The following PRKCE variants were observed in gnomAD, a reference collection of about 807,000 sequenced individuals.
PRKCE encodes the protein protein kinase C epsilon type.
Under a neutral mutation model 85.4 loss-of-function variants are expected in PRKCE, and 16 were observed. That is an observed-to-expected ratio of 0.19 (90% CI 0.13 to 0.28). The LOEUF is 0.28. Ranked by LOEUF, PRKCE falls within the 10% of genes least tolerant of loss-of-function variation. PRKCE has a pLI of 1.00. For synonymous variants in PRKCE, 388 were observed against 371.5 expected, an observed-to-expected ratio of 1.04 and a Z score of -0.51; for missense variants, 573 against 975.2, an observed-to-expected ratio of 0.59 and a Z score of 5.49.
At chr2:46,108,927 G>A (rs1464886955) in intron 11 of PRKCE, among the ~76,000 whole-genome samples, 3 of 151,074 alleles carry the variant, frequency 2.0e-5, no homozygotes, top group Non-Finnish European at 1.5e-5. Flanking sequence ...TTGATGTCCA[G>A]TTGTTCAAGC....
intron 10 of PRKCE, among the ~76,000 whole-genome samples, chr2:46,067,395 G>C (rs1163473164): frequency 6.6e-6 from 1 of 152,226 alleles, no homozygotes; most frequent in East Asian, 1.9e-4. Context: ...ACATCTGAGA[G>C]GCAGTTTTGG....
chr2:46,140,143 A>G (rs1248589783), intron 11 of PRKCE, among the ~76,000 whole-genome samples: 1 of 152,212 alleles, frequency 6.6e-6, no homozygotes, highest in Non-Finnish European at 1.5e-5. Context: ...TTAATTTATA[A>G]CTTTAAACAT....
intron 1 of PRKCE, among the ~76,000 whole-genome samples, chr2:45,657,624 A>C (rs1490835909): frequency 6.6e-6 from 1 of 152,124 alleles, no homozygotes; most frequent in Non-Finnish European, 1.5e-5. Context: ...ATATTCTCCA[A>C]AGTAGCTCTC....
chr2:45,973,025 A>T (rs1020298335), intron 2 of PRKCE, among the ~76,000 whole-genome samples: 1 of 152,268 alleles, frequency 6.6e-6, no homozygotes, highest in Non-Finnish European at 1.5e-5. Flanking sequence ...TTCAGCAATT[A>T]AAACAGTGTG....
chr2:45,751,869 G>A (rs1360758851), intron 1 of PRKCE, among the ~76,000 whole-genome samples: 1 of 131,236 alleles, frequency 7.6e-6, no homozygotes, highest in Non-Finnish European at 1.6e-5. Context: ...CCAGGCTGGA[G>A]TGCAGTGGCG....
intron 10 of PRKCE, among the ~76,000 whole-genome samples, chr2:46,058,207 G>C (rs1235364203): frequency 2.0e-5 from 3 of 152,240 alleles, no homozygotes; most frequent in Non-Finnish European, 4.4e-5. Context: ...GGAGGACTGA[G>C]TTTTGCTGCT....
intron 11 of PRKCE, among the ~76,000 whole-genome samples, chr2:46,129,549 T>A (rs1023420807): frequency 2.6e-5 from 4 of 152,248 alleles, no homozygotes; most frequent in African/African-American, 4.8e-5. Flanking sequence ...CCATGAATAT[T>A]TGAATACATG....
chr2:46,119,853 T>C (rs765406113), intron 11 of PRKCE, among the ~76,000 whole-genome samples: 8 of 152,242 alleles, frequency 5.3e-5, no homozygotes, highest in Non-Finnish European at 1.0e-4. Flanking sequence ...CAACTCCCGT[T>C]GCTAGAATTT....
chr2:45,866,004 G>C (rs1477700302), intron 2 of PRKCE, among the ~76,000 whole-genome samples: 2 of 151,876 alleles, frequency 1.3e-5, no homozygotes, highest in East Asian at 3.9e-4. Context: ...ATATTTTGTA[G>C]AGACACAGTT....
intron 11 of PRKCE, among the ~76,000 whole-genome samples, chr2:46,135,454 A>C (rs1264639825): frequency 2.0e-5 from 3 of 152,178 alleles, no homozygotes; most frequent in Admixed American, 2.0e-4. Flanking sequence ...CTTTTTCCTC[A>C]TCTAGCAGGT....
At chr2:45,870,258 A>G (rs908100527) in intron 2 of PRKCE, among the ~76,000 whole-genome samples, 4 of 152,196 alleles carry the variant, frequency 2.6e-5, no homozygotes, top group Non-Finnish European at 4.4e-5. Flanking sequence ...GCAGAACCCA[A>G]GACACAGAGT....
Position 45,907,478 on chromosome 2 carries a change from A to G in PRKCE, c.412+64415A>G, listed in dbSNP as rs1697066053. ...AAGACGAGTTTTGTCCCTGCCACAG[A>G]GGTAACAATGGACGAAGCACACTTC... On this transcript the variant is annotated intron_variant, in intron 2 of 14. Coordinates refer to ENST00000306156, the MANE Select transcript of PRKCE (RefSeq NM_005400.3). The surrounding 1 kb of genome is among the most constrained non-coding windows in gnomAD (Gnocchi z 4.5). Among the ~76,000 whole-genome samples, 1 of 152,204 alleles carries G rather than the reference A, an allele frequency of 6.6e-6. No homozygotes were observed. The highest frequency in any genetic ancestry group is 2.1e-4 in the South Asian group (1 of 4,828).
At chr2:45,684,775 G>A (rs1312748153) in intron 1 of PRKCE, among the ~76,000 whole-genome samples, 4 of 152,188 alleles carry the variant, frequency 2.6e-5, no homozygotes, top group African/African-American at 7.2e-5. Context: ...TTTCTGTGAC[G>A]TGTGTAAGGG....
chr2:46,040,698 G>A (rs559616381), intron 10 of PRKCE, among the ~76,000 whole-genome samples: 1 of 152,250 alleles, frequency 6.6e-6, no homozygotes, highest in Admixed American at 6.5e-5. Context: ...GAATTTTAGA[G>A]TAAAACTAGA....
intron 1 of PRKCE, among the ~76,000 whole-genome samples, chr2:45,732,928 G>C (rs1295517652): frequency 6.6e-6 from 1 of 152,144 alleles, no homozygotes; most frequent in Non-Finnish European, 1.5e-5. Context: ...CTAGATCAAG[G>C]GTCGACGACT....
intron 2 of PRKCE, among the ~76,000 whole-genome samples, chr2:45,951,470 C>A (rs530962634): frequency 3.3e-5 from 5 of 152,292 alleles, no homozygotes; most frequent in African/African-American, 1.2e-4. Context: ...GTGTCCATGG[C>A]CCCCACTCCT....
chr2:45,945,501 A>C (rs1274035234), intron 2 of PRKCE, among the ~76,000 whole-genome samples: 1 of 152,160 alleles, frequency 6.6e-6, no homozygotes, highest in Non-Finnish European at 1.5e-5. Flanking sequence ...ACCAGGTCCC[A>C]CCTCCAACAT....
intron 2 of PRKCE, among the ~76,000 whole-genome samples, chr2:45,944,328 T>C (rs1185507971): frequency 6.6e-6 from 1 of 152,206 alleles, no homozygotes; most frequent in African/African-American, 2.4e-5. Flanking sequence ...GCATTCCTTA[T>C]GCATGAGCTC....
At chr2:45,656,097 C>G (rs1675367016) in intron 1 of PRKCE, among the ~76,000 whole-genome samples, 1 of 152,116 alleles carries the variant, frequency 6.6e-6, no homozygotes, top group Non-Finnish European at 1.5e-5. Flanking sequence ...ACAAGGTTTC[C>G]CAAATTTAAG....
Sources: allele counts gnomAD v4.1 joint callset (sites outside exome capture counted in the v4.1 genomes callset), GRCh38; gene constraint gnomAD v4.1.1; non-coding constraint Gnocchi (gnomAD v3.1); transcripts MANE v1.5; gene names NCBI Gene and HGNC (gene_info 2026-07-23, HGNC 2026-07-21).